GRM8: variants seen among roughly 807,000 people sequenced by gnomAD.
The protein encoded by GRM8 is glutamate metabotropic receptor 8.
In GRM8, 47 loss-of-function variants were observed where a neutral mutation model predicts 87.2. The ratio of observed to expected loss-of-function variants is 0.54; its 90% CI spans 0.43 to 0.69. GRM8 has a LOEUF of 0.69. GRM8 is among the 30% of genes least tolerant of loss of function. The probability of loss-of-function intolerance (pLI) is 0.00; values close to 1 mark genes in which losing one functional copy is unlikely to be tolerated. For synonymous variants in GRM8, 396 were observed against 404.5 expected, an observed-to-expected ratio of 0.98 and a Z score of 0.25; for missense variants, 1,019 against 1,139.2, an observed-to-expected ratio of 0.89 and a Z score of 1.52.
At chr7:126,751,452 G>A (rs983948027) in intron 7 of GRM8, among the ~76,000 whole-genome samples, 1 of 152,074 alleles carries the variant, frequency 6.6e-6, no homozygotes, top group African/African-American at 2.4e-5. Context: ...GTATGTACAT[G>A]TAGTTAAATT....
rs71529431 is a variant in GRM8, at chr7:127,232,183, T to TTGTGTGTGTGTGTG, written c.510+10498_510+10511dup. 2.9e-3 allele frequency among the ~76,000 whole-genome samples: 373 copies of TTGTGTGTGTGTGTG among 129,728 alleles called. 2 individuals are homozygous for TTGTGTGTGTGTGTG. Among genetic ancestry groups the TTGTGTGTGTGTGTG allele is most frequent in the Non-Finnish European group, 4.2e-3 (261 of 62,042 alleles). The allele number at this position is 129,728 out of a possible 152,430, so 85.1% of individuals were successfully genotyped here. ...ACCTGCCATCAGTTCTGTTTCTTCT[T>TTGTGTGTGTGTGTG]TGTGTGTGTGTGTGTGTGTGTGTGT... On this transcript the variant is annotated intron_variant, in intron 2 of 10. Transcript: ENST00000339582.
At chr7:126,844,965 C>A (rs981010619) in intron 6 of GRM8, among the ~76,000 whole-genome samples, 1 of 152,128 alleles carries the variant, frequency 6.6e-6, no homozygotes, top group African/African-American at 2.4e-5. Flanking sequence ...AGTCCTTAGC[C>A]CTTGCCTATC....
intron 7 of GRM8, among the ~76,000 whole-genome samples, chr7:126,763,107 A>C (rs13242870): frequency 0.48 from 71,238 of 149,588 alleles, 17,584 homozygotes; most frequent in African/African-American, 0.57. Context: ...TTGACACAAC[A>C]CCCCCCCAAT....
intron 7 of GRM8, among the ~76,000 whole-genome samples, chr7:126,643,921 T>C (rs191366990): frequency 1.2e-3 from 178 of 152,362 alleles, no homozygotes; most frequent in Non-Finnish European, 2.3e-3. Context: ...ACAGACTATA[T>C]ATATGATAAA....
At chr7:126,753,955 A>G (rs1225858495) in intron 7 of GRM8, among the ~76,000 whole-genome samples, 5 of 151,942 alleles carry the variant, frequency 3.3e-5, no homozygotes, top group African/African-American at 1.2e-4. Context: ...AAGACTTTTC[A>G]ATCACGGTGA....
In GRM8 at chr7:126,533,097, G is replaced by A; in HGVS notation, c.2285C>T (p.Thr762Ile). ...CGTTTTAATGGCATAAACAGTACAA[G>A]TGACCATCAAGAGGATACTGTATCC... ...SLGYSILLMVTCTVYAIKTRG... is the reference protein window; with the variant it reads ...SLGYSILLMVICTVYAIKTRG... Residue 762 changes from threonine to isoleucine, a missense_variant, in exon 9 of 11, where the codon ACT becomes ATT. Coordinates refer to ENST00000339582, the MANE Select transcript of GRM8 (RefSeq NM_000845.3). 1 of 1,613,504 alleles carries A rather than the reference G, an allele frequency of 6.2e-7. No individual in the cohort carries two copies. The highest frequency in any genetic ancestry group is 8.5e-7 in the Non-Finnish European group (1 of 1,179,852).
chr7:126,651,543 T>C (rs1326603384), intron 7 of GRM8, among the ~76,000 whole-genome samples: 1 of 152,176 alleles, frequency 6.6e-6, no homozygotes, highest in Non-Finnish European at 1.5e-5. Context: ...AAATTTTTGC[T>C]TCCTGGTACC....
intron 2 of GRM8, among the ~76,000 whole-genome samples, chr7:127,193,121 T>G (rs758114567): frequency 3.5e-4 from 54 of 152,342 alleles, no homozygotes; most frequent in Admixed American, 9.1e-4. Context: ...AAAACCATAT[T>G]TGAATGTCCA....
rs1798940135 is a variant in GRM8, at chr7:127,252,760, T to G, written c.-312+37A>C. 6.5e-6 allele frequency: 1 copy of G among 154,942 alleles called. No individual in the cohort carries two copies. Among genetic ancestry groups the G allele is most frequent in the South Asian group, 1.7e-4 (1 of 5,926 alleles). 9.6% of individuals were successfully genotyped at this position (154,942 alleles called of 1,614,324 possible). On this transcript the variant is annotated intron_variant, in intron 1 of 10. Transcript: ENST00000339582. This position sits in a 1 kb window ranked among gnomAD's most constrained non-coding sequence, Gnocchi z 4.9. ...TCCCGTGGTTCGGCACTTGCTTTCC[T>G]CGGAGCCGCTTTCTGCTGCCGGGCG...
intron 8 of GRM8, among the ~76,000 whole-genome samples, chr7:126,596,275 C>A (rs1797190629): frequency 6.6e-6 from 1 of 152,174 alleles, no homozygotes; most frequent in Non-Finnish European, 1.5e-5. Flanking sequence ...TTTGCACCAG[C>A]AGTGTATAAA....
chr7:126,490,269 A>G (rs1807846746), intron 9 of GRM8, among the ~76,000 whole-genome samples: 1 of 151,980 alleles, frequency 6.6e-6, no homozygotes, highest in South Asian at 2.1e-4. Context: ...CTCTAATATG[A>G]CCACCTCTTC....
intron 6 of GRM8, among the ~76,000 whole-genome samples, chr7:126,802,071 A>G (rs1313832195): frequency 6.6e-6 from 1 of 152,182 alleles, no homozygotes; most frequent in African/African-American, 2.4e-5. Context: ...GCAAATAAAA[A>G]CTATATATTT....
chr7:126,743,316 A>C (rs1362595594), intron 7 of GRM8, among the ~76,000 whole-genome samples: 1 of 152,044 alleles, frequency 6.6e-6, no homozygotes, highest in African/African-American at 2.4e-5. Context: ...TAAAATCCCC[A>C]CCACTCATTT....
intron 2 of GRM8, among the ~76,000 whole-genome samples, chr7:127,168,826 A>G (rs981486743): frequency 1.3e-5 from 2 of 151,294 alleles, no homozygotes; most frequent in Admixed American, 1.3e-4. Flanking sequence ...GGACACAGGA[A>G]GGGGAACATC....
intron 2 of GRM8, among the ~76,000 whole-genome samples, chr7:127,109,177 G>A (rs908616727): frequency 6.6e-6 from 1 of 152,040 alleles, no homozygotes; most frequent in Non-Finnish European, 1.5e-5. Context: ...TAACCTTGGA[G>A]GTTTCATCTA....
At chr7:127,021,813 G>A (rs1343935850) in intron 3 of GRM8, among the ~76,000 whole-genome samples, 1 of 151,986 alleles carries the variant, frequency 6.6e-6, no homozygotes, top group Non-Finnish European at 1.5e-5. Context: ...TTTTTAAGGT[G>A]GTAAATACAA....
chr7:127,138,494 A>G (rs1828071012), intron 2 of GRM8, among the ~76,000 whole-genome samples: 1 of 152,070 alleles, frequency 6.6e-6, no homozygotes, highest in Non-Finnish European at 1.5e-5. Flanking sequence ...GATTTTCTTC[A>G]TGGCTTCTCA....
intron 6 of GRM8, among the ~76,000 whole-genome samples, chr7:126,901,763 TA>T (rs1328465851): frequency 6.6e-6 from 1 of 152,212 alleles, no homozygotes; most frequent in Non-Finnish European, 1.5e-5. Context: ...GCATTTTTGT[TA>T]AAATTGACCC....
At chr7:126,947,004 G>T (rs1454911642) in intron 3 of GRM8, among the ~76,000 whole-genome samples, 1 of 152,114 alleles carries the variant, frequency 6.6e-6, no homozygotes, top group Non-Finnish European at 1.5e-5. Context: ...TTTCTTATCT[G>T]GAAGATGTGT....
Sources: gnomAD v4.1 joint callset for allele counts (sites outside exome capture counted in the v4.1 genomes callset) on GRCh38, gnomAD v4.1.1 for gene constraint, Gnocchi (gnomAD v3.1) non-coding constraint, MANE v1.5 for transcripts, NCBI Gene and HGNC (gene_info 2026-07-23, HGNC 2026-07-21) for gene names.